BBS2: variants seen among roughly 807,000 people sequenced by gnomAD.
The protein encoded by BBS2 is Bardet-Biedl syndrome 2.
Under a neutral mutation model 83.0 loss-of-function variants are expected in BBS2, and 62 were observed. That is an observed-to-expected ratio of 0.75 (90% CI 0.61 to 0.92). BBS2 has a LOEUF of 0.92. BBS2 is among the 40% of genes least tolerant of loss of function. The pLI is 0.00. For synonymous variants in BBS2, 303 were observed against 326.1 expected (o/e 0.93, Z 0.76); for missense variants, 784 against 901.0 (o/e 0.87, Z 1.66).
Position 56,501,014 on chromosome 16 carries a change from G to C in BBS2, c.1237C>G (p.Arg413Gly), listed in dbSNP as rs147030232. ...CCTTCTGCAAAAATCAATACTGCTC[G>C]GATGATGGTGTCTGCAGGGAAGAGT... ...RISTSNDTII[R>G]AVLIFAEGIF... Residue 413 changes from arginine to glycine, a missense_variant, in exon 11 of 17, where the codon CGA becomes GGA. Physicochemically the swap from Arg to Gly is moderately radical, Grantham distance 125. Transcript: ENST00000245157. 6.2e-7 allele frequency: 1 copy of C among 1,614,130 alleles called. No individual in the cohort carries two copies. Among genetic ancestry groups the C allele is most frequent in the Non-Finnish European group, 8.5e-7 (1 of 1,180,028 alleles).
In BBS2 at chr16:56,502,432, G is replaced by C; in HGVS notation, c.965C>G (p.Ala322Gly). Residue 322 changes from alanine to glycine, a missense_variant, in exon 9 of 17, where the codon GCT becomes GGT. Ala to Gly is a moderately conservative substitution (Grantham distance 60). Transcript: ENST00000245157. ...GTCCATGAGGTTGCCCCTCATCTCA[G>C]CCGTGCCAGGCAGGTAGCCCCGGAC... Reference protein sequence around the residue: ...GEIRGYLPGTAEMRGNLMDTS... With the variant: ...GEIRGYLPGTGEMRGNLMDTS... 1 of 1,614,182 alleles carries C rather than the reference G, an allele frequency of 6.2e-7. No individual in the cohort carries two copies. Among genetic ancestry groups the C allele is most frequent in the Non-Finnish European group, 8.5e-7 (1 of 1,180,040 alleles).
At position 56,500,937 on chromosome 16, in the gene BBS2, G is replaced by A. The variant is rs1204179948; in HGVS notation, c.1314C>T (p.Ser438=). 59 of 1,614,020 alleles carry A rather than the reference G, an allele frequency of 3.7e-5. No individual in the cohort carries two copies. The highest frequency in any genetic ancestry group is 4.8e-5 in the Non-Finnish European group (57 of 1,179,980). The change falls in exon 11 of 17, where the codon TCC becomes TCT. Residue 438 remains serine (S), a synonymous_variant. Transcript: ENST00000245157. Reference sequence around the variant, plus strand: ...GCACAATAGGGATGCAGATGGAACTGGAGAGGTTGTGAATGCTGGGATGTA... The same window carrying A: ...GCACAATAGGGATGCAGATGGAACTAGAGAGGTTGTGAATGCTGGGATGTA... ...HVVHPSIHNL[S]SSICIPIVPP...
At chr16:56,502,195 G>A (rs1964294601) in intron 9 of BBS2, 122 bp downstream of exon 9, 4 of 1,342,354 alleles carry the variant, frequency 3.0e-6, no homozygotes, top group Non-Finnish European at 1.1e-6. Flanking sequence ...TCTCAATTCT[G>A]ACAATGGCAA....
chr16:56,516,946 C>A (rs1379554522), intron 1 of BBS2, among the ~76,000 whole-genome samples: 3 of 152,172 alleles, frequency 2.0e-5, no homozygotes, highest in African/African-American at 7.2e-5. Flanking sequence ...GAGCTGAACA[C>A]AAAGTATCCA....
Position 56,499,624 on chromosome 16 carries a change from A to C in BBS2, c.1527+154T>G, listed in dbSNP as rs1436808647. 3.1e-6 allele frequency: 3 copies of C among 970,124 alleles called. No homozygotes were observed. The African/African-American group carries it at 4.9e-5, about 16-fold the overall frequency. 60.1% of individuals were successfully genotyped at this position (970,124 alleles called of 1,614,324 possible). On this transcript the variant is annotated intron_variant, in intron 12 of 16. Coordinates refer to ENST00000245157, the MANE Select transcript of BBS2 (RefSeq NM_031885.5). ...AAGGTATTTTAGCAATATTTTTATT[A>C]CAGGTTACAAGCCACCCCCAAGTTA...
chr16:56,519,605 G>A (rs1231022122), intron 1 of BBS2, 141 bp downstream of exon 1: 6 of 674,962 alleles, frequency 8.9e-6, no homozygotes, highest in African/African-American at 3.5e-5. Flanking sequence ...GCAGGATGGA[G>A]CCACAAGGTG....
chr16:56,507,932 C>T (rs1964468559), intron 5 of BBS2, among the ~76,000 whole-genome samples: 1 of 152,126 alleles, frequency 6.6e-6, no homozygotes, highest in Non-Finnish European at 1.5e-5. Flanking sequence ...CACGCCACTG[C>T]ACTCCAGCAT....
chr16:56,508,130 A>G (rs1302962577), intron 5 of BBS2, among the ~76,000 whole-genome samples: 1 of 152,240 alleles, frequency 6.6e-6, no homozygotes, highest in Non-Finnish European at 1.5e-5. Flanking sequence ...GACTAAATAA[A>G]AACTGATGAC....
intron 15 of BBS2, among the ~76,000 whole-genome samples, chr16:56,487,455 A>G (rs1963815699): frequency 6.6e-6 from 1 of 152,230 alleles, no homozygotes; most frequent in South Asian, 2.1e-4. Context: ...ATAATTATAG[A>G]ATAAGATAAT....
intron 17 of BBS2, among the ~76,000 whole-genome samples, chr16:56,475,227 T>C (rs1355323575): frequency 6.6e-6 from 1 of 152,180 alleles, no homozygotes; most frequent in African/African-American, 2.4e-5. Flanking sequence ...TAATTGCCCT[T>C]CTGGGAATAT....
At chr16:56,508,793 G>A (rs912670521) in intron 5 of BBS2, among the ~76,000 whole-genome samples, 37 of 152,066 alleles carry the variant, frequency 2.4e-4, no homozygotes, top group African/African-American at 8.7e-4. Flanking sequence ...CTACAGACGT[G>A]TGCCATCACC....
intron 1 of BBS2, chr16:56,519,476 G>A (rs1964854395): frequency 2.1e-6 from 1 of 467,848 alleles, no homozygotes; most frequent in South Asian, 2.7e-5. Flanking sequence ...CTCAGGAGAC[G>A]TCTCTTTTCT....
rs547483957 is a variant in BBS2 at position 56,485,891 on chromosome 16, C to T, written c.1911-153G>A. Among the ~76,000 whole-genome samples, 6 of 152,242 alleles carry T rather than the reference C, an allele frequency of 3.9e-5. No homozygotes were observed. The East Asian group carries it at 5.8e-4, about 15-fold the overall frequency. Reference sequence around the variant, plus strand: ...TAACTGCTAGTTTGCTTTGAAAATACGGATAAGTTCCATAAAAATATTCTT... The same window carrying T: ...TAACTGCTAGTTTGCTTTGAAAATATGGATAAGTTCCATAAAAATATTCTT... On this transcript the variant is annotated intron_variant, in intron 15 of 16. Transcript: ENST00000245157.
rs544230558 is a variant in BBS2, at chr16:56,490,289, A to G, written c.1911-4551T>C. Among the ~76,000 whole-genome samples, 15 of 152,310 alleles carry G rather than the reference A, an allele frequency of 9.8e-5. No homozygotes were observed. The South Asian group carries it at 2.7e-3, about 27-fold the overall frequency. ...AAAAAGCAAAATATACAAGTACTAA[A>G]GGAAAACAGATGAATTACTCTATAC... On this transcript the variant is annotated intron_variant, in intron 15 of 16. Coordinates refer to ENST00000245157, the MANE Select transcript of BBS2 (RefSeq NM_031885.5).
chr16:56,470,979 A>G (rs1963145343), intron 17 of BBS2, among the ~76,000 whole-genome samples: 1 of 152,202 alleles, frequency 6.6e-6, no homozygotes, highest in African/African-American at 2.4e-5. Flanking sequence ...CAGAGATTAA[A>G]TGTATACATG....
intron 16 of BBS2, among the ~76,000 whole-genome samples, chr16:56,485,297 T>TA (rs1437941866): frequency 6.6e-6 from 1 of 152,026 alleles, no homozygotes; most frequent in African/African-American, 2.4e-5. Context: ...TGGTTTTATT[T>TA]ATATATATAT....
rs746397118 is a variant in BBS2 at position 56,502,462 on chromosome 16, C to T, written c.941-6G>A. The T allele has an allele frequency of 1.1e-5, 17 of 1,614,132 alleles. 1 individual carries two copies. The Admixed American group carries it at 1.5e-4, about 14-fold the overall frequency. ...GCCAGGCAGGTAGCCCCGGACTGAA[C>T]AGAAGGAAAAAACCGCAAGTATAAC... On this transcript the variant is annotated splice_polypyrimidine_tract_variant and splice_region_variant and intron_variant, in intron 8 of 16. Transcript: ENST00000245157.
In BBS2 at chr16:56,501,594, C is replaced by G; in HGVS notation, c.1081-97G>C. On this transcript the variant is annotated intron_variant, in intron 9 of 16. Coordinates refer to ENST00000245157, the MANE Select transcript of BBS2 (RefSeq NM_031885.5). ...GCTATTCAGCTTCAAAAGACAGAGC[C>G]TCCAGCATATTATTATTATTATAGT... The G allele has an allele frequency of 2.1e-6, 3 of 1,461,218 alleles. No homozygotes were observed. The South Asian group carries it at 3.5e-5, about 17-fold the overall frequency. 90.5% of individuals were successfully genotyped at this position (1,461,218 alleles called of 1,614,324 possible). A position where few individuals can be genotyped will look rare whatever the true frequency, so the allele number is the denominator to read the frequency against.
chr16:56,476,176 T>C, intron 17 of BBS2: 1 of 1,612,536 alleles, frequency 6.2e-7, no homozygotes, highest in Non-Finnish European at 8.5e-7. Context: ...AACAGGTTTC[T>C]GGGACTTTTC....
Sources: allele counts gnomAD v4.1 joint callset (sites outside exome capture counted in the v4.1 genomes callset), GRCh38; gene constraint gnomAD v4.1.1; transcripts MANE v1.5; gene names NCBI Gene and HGNC (gene_info 2026-07-23, HGNC 2026-07-21).